MLIP: variants seen among roughly 807,000 people sequenced by gnomAD.
MLIP encodes muscular LMNA interacting protein.
A neutral mutation model predicts 84.8 loss-of-function variants in MLIP; 79 were observed. The ratio of observed to expected loss-of-function variants is 0.93; its 90% CI spans 0.78 to 1.12. The LOEUF (loss-of-function observed/expected upper bound fraction) is 1.12. Among genes scored for constraint, MLIP ranks in the 50% most tolerant of loss-of-function variants. The pLI, the probability that MLIP is intolerant of heterozygous loss-of-function variation, is 0.00. For synonymous variants in MLIP, 504 were observed against 463.0 expected, an observed-to-expected ratio of 1.09 and a Z score of -1.14; for missense variants, 1,257 against 1,160.6, an observed-to-expected ratio of 1.08 and a Z score of -1.21.
intron 9 of MLIP, among the ~76,000 whole-genome samples, chr6:54,183,360 T>C (rs560373215): frequency 1.1e-4 from 17 of 152,304 alleles, no homozygotes; most frequent in African/African-American, 4.1e-4. Flanking sequence ...ACTTATTTCA[T>C]TTTATATTTG....
intron 1 of MLIP, among the ~76,000 whole-genome samples, chr6:54,052,848 A>G (rs186972537): frequency 9.2e-5 from 14 of 152,286 alleles, no homozygotes; most frequent in Admixed American, 7.8e-4. Flanking sequence ...TTCTAAAGTG[A>G]ATCTGAGGTT....
At chr6:54,021,765 AAT>A (rs1225180368) in intron 1 of MLIP, among the ~76,000 whole-genome samples, 1 of 152,238 alleles carries the variant, frequency 6.6e-6, no homozygotes, top group African/African-American at 2.4e-5. Flanking sequence ...GAAATAAAGG[AAT>A]GATATCAAAT....
intron 13 of MLIP, 133 bp downstream of exon 13, chr6:54,257,494 A>G (rs1582650286): frequency 3.2e-6 from 2 of 627,642 alleles, no homozygotes; most frequent in Non-Finnish European, 5.5e-6. Context: ...TAACTGTTTC[A>G]CTCTGTCAGT....
intron 4 of MLIP, among the ~76,000 whole-genome samples, chr6:54,146,458 A>G (rs186097044): frequency 2.5e-4 from 38 of 152,342 alleles, no homozygotes; most frequent in African/African-American, 8.4e-4. Context: ...AGGAAGCAAT[A>G]TAATTATGCA....
intron 1 of MLIP, among the ~76,000 whole-genome samples, chr6:54,080,425 G>C (rs899590548): frequency 6.6e-6 from 1 of 151,878 alleles, no homozygotes; most frequent in African/African-American, 2.4e-5. Flanking sequence ...GTTGACAACT[G>C]ATCAGACCTC....
chr6:54,029,328 TGA>T (rs1763995844), intron 1 of MLIP: 1 of 152,160 alleles, frequency 6.6e-6, no homozygotes, highest in Admixed American at 6.5e-5. Flanking sequence ...TCCTAGTGGA[TGA>T]GAGTAGTGCC....
chr6:54,215,355 A>G, intron 11 of MLIP: 1 of 1,306,690 alleles, frequency 7.7e-7, no homozygotes, highest in East Asian at 3.0e-5. Flanking sequence ...CTTCAATTTT[A>G]TCCTACAAAA....
In MLIP at chr6:54,051,854, A is replaced by T. The variant is rs531760402; in HGVS notation, c.63+32763A>T. Among the ~76,000 whole-genome samples the T allele has an allele frequency of 4.6e-5, 7 of 152,292 alleles. 1 individual carries two copies. The highest frequency in any genetic ancestry group is 1.7e-4 in the African/African-American group (7 of 41,568). ...CTTAGTACGGACTGGCATTATGGCAAGCATTTTACATGTTTCCTTTTGTTG... is the reference window on the plus strand; with the variant it reads ...CTTAGTACGGACTGGCATTATGGCATGCATTTTACATGTTTCCTTTTGTTG... On this transcript the variant is annotated intron_variant, in intron 1 of 12. Coordinates refer to the MLIP transcript ENST00000274897.
At chr6:54,224,990 A>G (rs575276084) in intron 11 of MLIP, among the ~76,000 whole-genome samples, 1 of 152,242 alleles carries the variant, frequency 6.6e-6, no homozygotes, top group South Asian at 2.1e-4. Flanking sequence ...CCAGTCATTG[A>G]TTGATGGGCA....
intron 9 of MLIP, among the ~76,000 whole-genome samples, chr6:54,173,888 C>G (rs1428608386): frequency 6.6e-6 from 1 of 151,678 alleles, no homozygotes; most frequent in Non-Finnish European, 1.5e-5. Context: ...AAAGCAACCC[C>G]CACCATTCCC....
intron 1 of MLIP, among the ~76,000 whole-genome samples, chr6:54,071,144 G>T (rs1374028592): frequency 2.0e-5 from 3 of 151,982 alleles, no homozygotes; most frequent in African/African-American, 7.2e-5. Flanking sequence ...CAGGAGGAGA[G>T]AAATGGTTTA....
At chr6:54,133,615 A>AAT (rs1317205984) in intron 3 of MLIP, among the ~76,000 whole-genome samples, 1 of 152,178 alleles carries the variant, frequency 6.6e-6, no homozygotes, top group Non-Finnish European at 1.5e-5. Flanking sequence ...GGGAAAATTG[A>AAT]ATATATATAC....
chr6:54,081,527 C>G (rs1165671478), intron 1 of MLIP, among the ~76,000 whole-genome samples: 1 of 152,176 alleles, frequency 6.6e-6, no homozygotes, highest in Non-Finnish European at 1.5e-5. Flanking sequence ...CCTGCCTCAG[C>G]CTCCCGAAGT....
chr6:54,198,033 G>A (rs909572952), intron 10 of MLIP, among the ~76,000 whole-genome samples: 5 of 152,094 alleles, frequency 3.3e-5, no homozygotes, highest in Non-Finnish European at 7.4e-5. Context: ...TCAGTCTGGA[G>A]ACAGAAGACA....
At chr6:54,039,103 T>C (rs1000456707) in intron 1 of MLIP, among the ~76,000 whole-genome samples, 10 of 151,888 alleles carry the variant, frequency 6.6e-5, no homozygotes, top group South Asian at 4.1e-4. Context: ...TTTTGAACAA[T>C]AAAAGTTACA....
chr6:54,215,420 T>C (rs1274537320), intron 11 of MLIP: 8 of 1,228,682 alleles, frequency 6.5e-6, no homozygotes, highest in Non-Finnish European at 8.2e-6. Context: ...GTATTTGTGA[T>C]TTTTTTAAAA....
rs527324442 is a variant in MLIP, at chr6:54,228,892, A to G, written c.2719-1822A>G. ...CAGTTGTCATATTAATCACTTTCACACTGATTAATAATTTTTGTAATTACT... is the reference window on the plus strand; with the variant it reads ...CAGTTGTCATATTAATCACTTTCACGCTGATTAATAATTTTTGTAATTACT... On this transcript the variant is annotated intron_variant, in intron 11 of 13. Coordinates refer to ENST00000502396, the MANE Select transcript of MLIP (RefSeq NM_001281747.2). 1.3e-4 allele frequency among the ~76,000 whole-genome samples: 20 copies of G among 152,328 alleles called. No individual in the cohort carries two copies. The South Asian group carries it at 3.9e-3, about 30-fold the overall frequency.
At chr6:54,034,464 A>G (rs970253395) in intron 1 of MLIP, among the ~76,000 whole-genome samples, 4 of 152,226 alleles carry the variant, frequency 2.6e-5, no homozygotes, top group Admixed American at 6.5e-5. Flanking sequence ...CCTGTTGCCT[A>G]GTGGCATCTT....
At chr6:54,230,623 A>T in intron 11 of MLIP, 91 bp from the exon 12 acceptor site, 1 of 1,137,272 alleles carries the variant, frequency 8.8e-7, no homozygotes, top group South Asian at 1.3e-5. Flanking sequence ...CTGGTAAGAG[A>T]TTCTGACCTA....
Sources: allele counts gnomAD v4.1 joint callset (sites outside exome capture counted in the v4.1 genomes callset), GRCh38; gene constraint gnomAD v4.1.1; transcripts MANE v1.5; gene names NCBI Gene and HGNC (gene_info 2026-07-23, HGNC 2026-07-21).